Variants in PLXNA4 observed in about 807,000 individuals in gnomAD.
PLXNA4 encodes plexin A4.
A neutral mutation model predicts 191.8 loss-of-function variants in PLXNA4; 44 were observed. The ratio of observed to expected loss-of-function variants is 0.23; its 90% confidence interval spans 0.18 to 0.29. PLXNA4 has a LOEUF of 0.29. Ranked by LOEUF, PLXNA4 falls within the 10% of genes least tolerant of loss-of-function variation. The pLI, the probability that PLXNA4 is intolerant of heterozygous loss-of-function variation, is 1.00. For missense variants in PLXNA4, 1,800 were observed against 2,488.8 expected (o/e 0.72, Z 5.89); for synonymous variants, 1,082 against 1,009.5 (o/e 1.07, Z -1.36).
chr7:132,561,824 C>T (rs1339266342), intron 1 of PLXNA4, among the ~76,000 whole-genome samples: 1 of 140,518 alleles, frequency 7.1e-6, no homozygotes, highest in Admixed American at 7.0e-5. Flanking sequence ...TCTCCTCCTT[C>T]TTCTCCTCCG....
At chr7:132,562,794 ACCTCCTCCTTCTCCTCCTCCTTCT>A (rs368000485) in intron 1 of PLXNA4, among the ~76,000 whole-genome samples, 10 of 36,290 alleles carry the variant, frequency 2.8e-4, no homozygotes, top group Non-Finnish European at 1.4e-4. Context: ...TTCTTTCTCC[ACCTCCTCCTTCTCCTCCTCCTTCT>A]CCTCCTCCTT....
intron 3 of PLXNA4, among the ~76,000 whole-genome samples, chr7:132,358,162 G>A (rs1308793177): frequency 6.6e-6 from 1 of 152,190 alleles, no homozygotes; most frequent in Non-Finnish European, 1.5e-5. Context: ...TATTTGGAAG[G>A]GAATTGAGAC....
At chr7:132,273,654 T>A (rs1205603907) in intron 4 of PLXNA4, among the ~76,000 whole-genome samples, 1 of 152,140 alleles carries the variant, frequency 6.6e-6, no homozygotes, top group Non-Finnish European at 1.5e-5. Context: ...AACCTAGGAC[T>A]CCCTACTTGA....
intron 24 of PLXNA4, among the ~76,000 whole-genome samples, chr7:132,161,601 A>T (rs1055480455): frequency 7.2e-5 from 11 of 152,186 alleles, no homozygotes; most frequent in Non-Finnish European, 1.5e-4. Context: ...GCAACTAGCT[A>T]GTGCTCCCAG....
intron 5 of PLXNA4, among the ~76,000 whole-genome samples, chr7:132,234,596 TTGTGTGTGTGTGTGTGTGTG>T (rs60249306): frequency 1.4e-5 from 2 of 144,158 alleles, no homozygotes; most frequent in Non-Finnish European, 1.5e-5. Flanking sequence ...AGCATGTGTT[TTGTGTGTGTGTGTGTGTGTG>T]TGTGTGTGTG....
intron 1 of PLXNA4, among the ~76,000 whole-genome samples, chr7:132,563,244 CCTT>C (rs1801421089): frequency 8.5e-6 from 1 of 117,288 alleles, no homozygotes; most frequent in African/African-American, 3.3e-5. Flanking sequence ...TCCTCCTCCT[CCTT>C]CTCCTACTCC....
intron 2 of PLXNA4, among the ~76,000 whole-genome samples, chr7:132,628,088 C>T (rs768428246): frequency 2.6e-5 from 4 of 152,192 alleles, no homozygotes; most frequent in Non-Finnish European, 5.9e-5. Flanking sequence ...AGTCCTCATC[C>T]TTGTGGAACA....
At chr7:132,434,336 A>C (rs1037015736) in intron 3 of PLXNA4, among the ~76,000 whole-genome samples, 1 of 152,024 alleles carries the variant, frequency 6.6e-6, no homozygotes, top group African/African-American at 2.4e-5. Flanking sequence ...AGCTCACCTT[A>C]TCCATCTTGG....
At position 132,180,705 on chromosome 7, in the gene PLXNA4, C is replaced by T. The variant is rs1403699218; in HGVS notation, c.3520G>A (p.Gly1174Arg). 1 of 1,614,062 alleles carries T rather than the reference C, an allele frequency of 6.2e-7. No homozygotes were observed. The highest frequency in any genetic ancestry group is 8.5e-7 in the Non-Finnish European group (1 of 1,180,026). The change falls in exon 19 of 32, where the codon GGG becomes AGG. Residue 1174 changes from glycine (G) to arginine (R), a missense_variant. Coordinates refer to ENST00000321063, the MANE Select transcript of PLXNA4 (RefSeq NM_020911.2). ...GTGTAGTTCAGCTTCACGTTGCCCCCAGCCACAGGCGGGATCAGGTTCTTG... is the reference window on the plus strand; with the variant it reads ...GTGTAGTTCAGCTTCACGTTGCCCCTAGCCACAGGCGGGATCAGGTTCTTG... ...KGKNLIPPVA[G>R]GNVKLNYTVL...
chr7:132,290,184 C>T (rs970618584), intron 4 of PLXNA4, among the ~76,000 whole-genome samples: 1 of 152,200 alleles, frequency 6.6e-6, no homozygotes, highest in African/African-American at 2.4e-5. Context: ...ACAAAGGACA[C>T]CATAAAAGAT....
chr7:132,597,093 A>G (rs1161948551), intron 2 of PLXNA4, among the ~76,000 whole-genome samples: 1 of 152,204 alleles, frequency 6.6e-6, no homozygotes, highest in Non-Finnish European at 1.5e-5. Flanking sequence ...TGATTGCCTG[A>G]GTCACCAGCC....
chr7:132,472,533 G>A (rs376284935), intron 3 of PLXNA4, among the ~76,000 whole-genome samples: 9 of 152,326 alleles, frequency 5.9e-5, no homozygotes, highest in East Asian at 3.9e-4. Flanking sequence ...AGCAGCAGGG[G>A]CAATGGCAGG....
At chr7:132,349,676 T>G (rs906546047) in intron 3 of PLXNA4, among the ~76,000 whole-genome samples, 1 of 152,168 alleles carries the variant, frequency 6.6e-6, no homozygotes, top group Non-Finnish European at 1.5e-5. Context: ...CCTTCTGATG[T>G]CCTTCGTGGA....
In PLXNA4 at chr7:132,576,311, G is replaced by T; in HGVS notation, c.-87+111C>A. The T allele has an allele frequency of 1.2e-6, 1 of 830,316 alleles. No homozygotes were observed. The highest frequency in any genetic ancestry group is 1.5e-6 in the Non-Finnish European group (1 of 688,162). 51.4% of individuals were successfully genotyped at this position (830,316 alleles called of 1,614,324 possible). On this transcript the variant is annotated intron_variant, in intron 1 of 31. Coordinates refer to ENST00000321063, the MANE Select transcript of PLXNA4 (RefSeq NM_020911.2). This position sits in a 1 kb window ranked among gnomAD's most constrained non-coding sequence, Gnocchi z 5.8. The stretch of plus-strand genomic sequence containing the variant: ...TGCCTGCGTGTGTGCGTGTGCGTGT[G>T]CCGCGGGCTGGCTCCGGGACACTGA...
At chr7:132,464,549 G>T (rs1475453803) in intron 3 of PLXNA4, among the ~76,000 whole-genome samples, 1 of 152,172 alleles carries the variant, frequency 6.6e-6, no homozygotes, top group Non-Finnish European at 1.5e-5. Flanking sequence ...TACAGTGAAA[G>T]GGCTTTGCAA....
intron 2 of PLXNA4, among the ~76,000 whole-genome samples, chr7:132,611,414 C>T (rs1214537631): frequency 4.6e-5 from 7 of 152,202 alleles, no homozygotes; most frequent in East Asian, 3.8e-4. Flanking sequence ...TCCAAATCCA[C>T]GCTCCGACAC....
chr7:132,451,853 T>C (rs113087790), intron 3 of PLXNA4, among the ~76,000 whole-genome samples: 1,727 of 152,338 alleles, frequency 0.011, 16 homozygotes, highest in Middle Eastern at 0.044. Context: ...GGCAAGTTCA[T>C]TGGTAGGCAG....
intron 1 of PLXNA4, among the ~76,000 whole-genome samples, chr7:132,522,956 G>A (rs972891801): frequency 1.3e-5 from 2 of 151,932 alleles, no homozygotes; most frequent in Non-Finnish European, 2.9e-5. Flanking sequence ...GAAAACTTGT[G>A]CACAATGGAG....
chr7:132,161,521 T>C (rs2116635804), intron 24 of PLXNA4, among the ~76,000 whole-genome samples: 1 of 152,314 alleles, frequency 6.6e-6, no homozygotes, highest in East Asian at 1.9e-4. Flanking sequence ...GGGGGCTTTG[T>C]TGAGATACAA....
Sources: gnomAD v4.1 joint callset for allele counts (sites outside exome capture counted in the v4.1 genomes callset) on GRCh38, gnomAD v4.1.1 for gene constraint, Gnocchi (gnomAD v3.1) non-coding constraint, MANE v1.5 for transcripts, NCBI Gene and HGNC (gene_info 2026-07-23, HGNC 2026-07-21) for gene names.